WDR12: variants seen among roughly 807,000 people sequenced by gnomAD.
WDR12 encodes ribosome biogenesis protein WDR12.
A neutral mutation model predicts 64.3 loss-of-function variants in WDR12; 42 were observed. The observed-to-expected ratio is 0.65, with a 90% CI of 0.51 to 0.84. The LOEUF (loss-of-function observed/expected upper bound fraction) is 0.84. Among genes scored for constraint, WDR12 ranks in the 40% least tolerant of loss-of-function variants. The pLI, the probability that WDR12 is intolerant of heterozygous loss-of-function variation, is 0.00. For synonymous variants in WDR12, 158 were observed against 173.3 expected (o/e 0.91, Z 0.70); for missense variants, 469 against 494.6 (o/e 0.95, Z 0.49).
intron 7 of WDR12, among the ~76,000 whole-genome samples, chr2:202,893,243 T>G (rs987447394): frequency 1.3e-5 from 2 of 152,144 alleles, no homozygotes; most frequent in Non-Finnish European, 2.9e-5. Context: ...ATTAAATATG[T>G]AATGTATGTT....
chr2:202,911,630 G>T lies in WDR12; in HGVS notation c.-154C>A. On this transcript the variant is annotated 5_prime_UTR_variant, in exon 1 of 13. Coordinates refer to ENST00000261015, the MANE Select transcript of WDR12 (RefSeq NM_018256.4). The stretch of plus-strand genomic sequence containing the variant: ...AGTCTAAGCCTGGACTCTGCCTTCT[G>T]CCCTCCGGTCTCCTCTGCAGAAAGC... 1 of 712,112 alleles carries T rather than the reference G, an allele frequency of 1.4e-6. No individual in the cohort carries two copies. Among genetic ancestry groups the T allele is most frequent in the Non-Finnish European group, 2.5e-6 (1 of 399,318 alleles). The allele number at this position is 712,112 out of a possible 1,614,324, so 44.1% of individuals were successfully genotyped here. A position where few individuals can be genotyped will look rare whatever the true frequency, so the allele number is the denominator to read the frequency against.
In WDR12 at chr2:202,883,679, A is replaced by G; in HGVS notation, c.1051T>C (p.Ser351Pro). 1 of 1,614,138 alleles carries G rather than the reference A, an allele frequency of 6.2e-7. No homozygotes were observed. The highest frequency in any genetic ancestry group is 8.5e-7 in the Non-Finnish European group (1 of 1,180,010). ...HTGWVTSVKW[S>P]PTHEQQLISG... ...ATCAGCTGCTGTTCATGGGTAGGAG[A>G]CCATTTTACTGATGTCACCCAACCA... is the stretch of plus-strand genomic sequence containing the variant. The change falls in exon 11 of 13, where the codon TCT becomes CCT. Residue 351 changes from serine to proline, a missense_variant. Coordinates refer to ENST00000261015, the MANE Select transcript of WDR12 (RefSeq NM_018256.4).
At chr2:202,881,612 C>A (rs1294612196) in intron 12 of WDR12, among the ~76,000 whole-genome samples, 1 of 152,062 alleles carries the variant, frequency 6.6e-6, no homozygotes, top group African/African-American at 2.4e-5. Flanking sequence ...GAGACCACGT[C>A]TCTACAAAAA....
chr2:202,884,338 A>C (rs1411906578), intron 9 of WDR12, 35 bp from the exon 10 acceptor site: 1 of 1,613,382 alleles, frequency 6.2e-7, no homozygotes, highest in African/African-American at 1.3e-5. Flanking sequence ...TAACCATGGT[A>C]GACTAAAAAC....
intron 2 of WDR12, among the ~76,000 whole-genome samples, chr2:202,905,846 TAGA>T (rs1295140843): frequency 6.6e-6 from 1 of 151,714 alleles, no homozygotes; most frequent in Admixed American, 6.6e-5. Flanking sequence ...AGATACAGAG[TAGA>T]AGGAGAGTTA....
rs1195962479 is a variant in WDR12 at position 202,883,670 on chromosome 2, G to A, written c.1060C>T (p.His354Tyr). The A allele has an allele frequency of 6.2e-7, 1 of 1,614,070 alleles. No homozygotes were observed. The highest frequency in any genetic ancestry group is 8.5e-7 in the Non-Finnish European group (1 of 1,180,000). ...WVTSVKWSPT[H>Y]EQQLISGSLD... ...GATCCTGAAATCAGCTGCTGTTCAT[G>A]GGTAGGAGACCATTTTACTGATGTC... is the stretch of plus-strand genomic sequence containing the variant. The change falls in exon 11 of 13, where the codon CAT (histidine) becomes TAT (tyrosine). Residue 354 changes from histidine (H) to tyrosine (Y), a missense_variant. By Grantham distance (83) the His-to-Tyr change is moderately conservative (BLOSUM62 2). Coordinates refer to ENST00000261015, the MANE Select transcript of WDR12 (RefSeq NM_018256.4).
At chr2:202,897,252 C>T (rs1268636294) in intron 5 of WDR12, 48 bp downstream of exon 5, 1 of 1,393,292 alleles carries the variant, frequency 7.2e-7, no homozygotes, top group Non-Finnish European at 9.9e-7. Flanking sequence ...TGGCTTATTT[C>T]CAAATCCCTA....
intron 3 of WDR12, 82 bp from the exon 4 acceptor site, chr2:202,899,719 T>C: frequency 1.6e-6 from 2 of 1,218,164 alleles, no homozygotes; most frequent in Non-Finnish European, 2.4e-6. Flanking sequence ...CAATTTAATA[T>C]ATCTCCTTTA....
At chr2:202,898,082 C>G (rs113850164) in intron 4 of WDR12, among the ~76,000 whole-genome samples, 3 of 149,552 alleles carry the variant, frequency 2.0e-5, no homozygotes, top group South Asian at 4.2e-4. Flanking sequence ...CACCCCCACC[C>G]AAAAAAAATC....
chr2:202,908,210 C>CA (rs1212331377), intron 1 of WDR12, among the ~76,000 whole-genome samples: 1 of 152,002 alleles, frequency 6.6e-6, no homozygotes, highest in Non-Finnish European at 1.5e-5. Context: ...ACAAAGACAC[C>CA]ATAGGTCATT....
chr2:202,891,231 G>A (rs953914076), intron 8 of WDR12, among the ~76,000 whole-genome samples: 1 of 152,058 alleles, frequency 6.6e-6, no homozygotes, highest in African/African-American at 2.4e-5. Context: ...GAGTCCAGTG[G>A]TGCAATCTTG....
chr2:202,904,414 A>C (rs1230215318), intron 2 of WDR12, among the ~76,000 whole-genome samples: 1 of 152,168 alleles, frequency 6.6e-6, no homozygotes, highest in African/African-American at 2.4e-5. Context: ...ACAAACTTGG[A>C]GGAATCACAT....
chr2:202,901,759 C>T (rs1008185100), intron 2 of WDR12, among the ~76,000 whole-genome samples: 1 of 152,146 alleles, frequency 6.6e-6, no homozygotes, highest in Non-Finnish European at 1.5e-5. Flanking sequence ...ACTCCATCTC[C>T]AAGGTGTCCT....
chr2:202,882,653 A>G (rs1687975757), intron 12 of WDR12, 58 bp downstream of exon 12: 23 of 1,556,912 alleles, frequency 1.5e-5, no homozygotes, highest in Non-Finnish European at 1.9e-5. Flanking sequence ...TTATAAACAC[A>G]AACACCAGAT....
At chr2:202,897,639 C>T (rs2105908884) in intron 4 of WDR12, among the ~76,000 whole-genome samples, 1 of 148,278 alleles carries the variant, frequency 6.7e-6, no homozygotes, top group South Asian at 2.2e-4. Context: ...CCTGTAATCC[C>T]AGCACTTTGG....
rs774414081 is a variant in WDR12 at position 202,882,721 on chromosome 2, G to T, written c.1184C>A (p.Thr395Lys). 1 of 1,613,706 alleles carries T rather than the reference G, an allele frequency of 6.2e-7. No individual in the cohort carries two copies. The highest frequency in any genetic ancestry group is 8.5e-7 in the Non-Finnish European group (1 of 1,179,688). ...HEDKVLSVDW[T>K]DTGLLLSGGA... ...CTAATAAATTCTTACCCCTGTGTCT[G>T]TCCAGTCTACACTCAGAACTTTGTC... is the stretch of plus-strand genomic sequence containing the variant. Residue 395 changes from threonine (T) to lysine (K), a missense_variant, in exon 12 of 13, where the codon ACA (threonine) becomes AAA (lysine). Coordinates refer to ENST00000261015, the MANE Select transcript of WDR12 (RefSeq NM_018256.4).
At chr2:202,892,831 A>C in intron 7 of WDR12, 129 bp from the exon 8 acceptor site, 1 of 474,324 alleles carries the variant, frequency 2.1e-6, no homozygotes, top group South Asian at 5.5e-5. Flanking sequence ...AATATTCCTC[A>C]TCATTTTGGT....
rs765525859 is a variant in WDR12 at position 202,901,118 on chromosome 2, C to T, written c.138G>A (p.Glu46=). 10 of 1,586,744 alleles carry T rather than the reference C, an allele frequency of 6.3e-6. No individual in the cohort carries two copies. In the East Asian group the frequency reaches 2.0e-4, roughly 32 times the overall value. Residue 46 remains glutamate, a splice_region_variant and synonymous_variant, in exon 3 of 13, where the codon GAG becomes GAA. Transcript: ENST00000261015. Reference sequence around the variant, plus strand: ...AATCAAACTCCACATGTTTGTGGAACTCTGAGGAAAATACATAACAAAATT... The same window carrying T: ...AATCAAACTCCACATGTTTGTGGAATTCTGAGGAAAATACATAACAAAATT... ...IINKLLKDKN[E]FHKHVEFDFL...
At chr2:202,886,604 C>T (rs1688053372) in intron 8 of WDR12, among the ~76,000 whole-genome samples, 1 of 151,938 alleles carries the variant, frequency 6.6e-6, no homozygotes, top group African/African-American at 2.4e-5. Context: ...CCCGTCTCTA[C>T]TAAAACTACA....
Sources: allele counts gnomAD v4.1 joint callset (sites outside exome capture counted in the v4.1 genomes callset), GRCh38; gene constraint gnomAD v4.1.1; transcripts MANE v1.5; gene names NCBI Gene and HGNC (gene_info 2026-07-23, HGNC 2026-07-21).